Variants in KCNN2 observed in about 807,000 individuals in gnomAD.
The protein encoded by KCNN2 is small conductance calcium-activated potassium channel protein 2.
Under a neutral mutation model 55.5 loss-of-function variants are expected in KCNN2, and 24 were observed. The observed-to-expected ratio is 0.43, with a 90% CI of 0.31 to 0.61. KCNN2 has a LOEUF of 0.61. KCNN2 is among the 20% of genes least tolerant of loss of function. The probability of loss-of-function intolerance (pLI) is 0.08; values close to 1 mark genes in which losing one functional copy is unlikely to be tolerated. For synonymous variants in KCNN2, 431 were observed against 336.1 expected (o/e 1.28, Z -3.09); for missense variants, 754 against 853.6 (o/e 0.88, Z 1.45).
chr5:114,165,930 A>T (rs551852173), intron 1 of KCNN2, among the ~76,000 whole-genome samples: 1 of 152,264 alleles, frequency 6.6e-6, no homozygotes, highest in East Asian at 1.9e-4. Flanking sequence ...AACTGTACTC[A>T]TTCTTATTTT....
chr5:114,486,874 C>T (rs930151611), intron 5 of KCNN2, 176 bp from the exon 6 acceptor site: 41 of 1,132,914 alleles, frequency 3.6e-5, no homozygotes, highest in Non-Finnish European at 4.9e-5. Flanking sequence ...TGTTCCCAGG[C>T]AGGTACAAGT....
intron 3 of KCNN2, among the ~76,000 whole-genome samples, chr5:114,449,196 A>G (rs1218983192): frequency 6.6e-6 from 1 of 152,000 alleles, no homozygotes; most frequent in Non-Finnish European, 1.5e-5. Flanking sequence ...TGCCTTTCCA[A>G]GGGACCTCTG....
At chr5:114,324,154 A>G (rs981729001) in intron 2 of KCNN2, among the ~76,000 whole-genome samples, 18 of 152,346 alleles carry the variant, frequency 1.2e-4, no homozygotes, top group Middle Eastern at 3.4e-3. Flanking sequence ...AATAACTTTT[A>G]TTAGGATGTA....
At chr5:114,276,301 T>C (rs1354118956) in intron 2 of KCNN2, among the ~76,000 whole-genome samples, 2 of 152,176 alleles carry the variant, frequency 1.3e-5, no homozygotes, top group Non-Finnish European at 2.9e-5. Context: ...AGAATGTATA[T>C]TCTGTTGATT....
At chr5:114,464,619 C>G (rs996443813) in intron 4 of KCNN2, among the ~76,000 whole-genome samples, 1 of 152,014 alleles carries the variant, frequency 6.6e-6, no homozygotes, top group Non-Finnish European at 1.5e-5. Context: ...ACATCCTTCT[C>G]CCCCCTCGGT....
intron 1 of KCNN2, among the ~76,000 whole-genome samples, chr5:114,204,649 C>T (rs1260766955): frequency 6.6e-6 from 1 of 151,840 alleles, no homozygotes; most frequent in Non-Finnish European, 1.5e-5. Flanking sequence ...CCTTTCTTTA[C>T]ACAGCATACT....
At position 114,482,490 on chromosome 5, in the gene KCNN2, C is replaced by A. The variant is rs564448982; in HGVS notation, c.1891-4560C>A. On this transcript the variant is annotated intron_variant, in intron 5 of 7. Coordinates refer to ENST00000673685, the MANE Select transcript of KCNN2 (RefSeq NM_021614.4). The stretch of plus-strand genomic sequence containing the variant: ...AGGATGACAATTAAGGACCTAGATG[C>A]AGGAATACCATTTGACCCAGCAATC... Among the ~76,000 whole-genome samples the A allele has an allele frequency of 2.0e-5, 3 of 152,212 alleles. No homozygotes were observed. In the South Asian group the frequency reaches 6.2e-4, roughly 32 times the overall value.
intron 1 of KCNN2, among the ~76,000 whole-genome samples, chr5:114,093,050 C>T (rs982043684): frequency 2.0e-5 from 3 of 152,128 alleles, no homozygotes; most frequent in Non-Finnish European, 2.9e-5. Context: ...TTTTTCTTTT[C>T]TGTCACATTG....
intron 3 of KCNN2, among the ~76,000 whole-genome samples, chr5:114,454,799 CT>C (rs1666880554): frequency 6.6e-6 from 1 of 152,192 alleles, no homozygotes; most frequent in African/African-American, 2.4e-5. Flanking sequence ...ATCAGTTCCC[CT>C]GGTTTTAGCT....
chr5:114,479,031 C>G (rs1478895186), intron 5 of KCNN2, among the ~76,000 whole-genome samples: 1 of 151,094 alleles, frequency 6.6e-6, no homozygotes, highest in East Asian at 2.3e-4. Flanking sequence ...ATGACAGGAT[C>G]AAATTCACAC....
rs973506501 is a variant in KCNN2, at chr5:114,411,542, A to G, written c.1637+6686A>G. Among the ~76,000 whole-genome samples, 5 of 152,274 alleles carry G rather than the reference A, an allele frequency of 3.3e-5. No individual in the cohort carries two copies. In the East Asian group the frequency reaches 9.7e-4, roughly 30 times the overall value. ...TCAGTCCAAAGCTGAAGGCCTGTGA[A>G]TCCAAAGAGATGCAGGTGCAAGTCC... is the stretch of plus-strand genomic sequence containing the variant. On this transcript the variant is annotated intron_variant, in intron 3 of 7. Transcript: ENST00000673685.
At chr5:114,107,179 C>G (rs573425782) in intron 1 of KCNN2, among the ~76,000 whole-genome samples, 1 of 152,152 alleles carries the variant, frequency 6.6e-6, no homozygotes, top group East Asian at 1.9e-4. Flanking sequence ...GTAGTAGCAT[C>G]TTTGTTGTAA....
chr5:114,421,203 G>A (rs942687107), intron 3 of KCNN2, among the ~76,000 whole-genome samples: 6 of 146,320 alleles, frequency 4.1e-5, no homozygotes, highest in Non-Finnish European at 8.9e-5. Flanking sequence ...GGTTTTTAGT[G>A]AACCAACATA....
At chr5:114,382,784 A>G (rs1020053414) in intron 2 of KCNN2, among the ~76,000 whole-genome samples, 29 of 152,336 alleles carry the variant, frequency 1.9e-4, no homozygotes, top group African/African-American at 6.7e-4. Context: ...CTCCAGTCAT[A>G]TGCCCAACCC....
At chr5:114,120,097 G>A (rs1449428893) in intron 1 of KCNN2, among the ~76,000 whole-genome samples, 2 of 152,096 alleles carry the variant, frequency 1.3e-5, no homozygotes, top group Non-Finnish European at 2.9e-5. Flanking sequence ...TATCCAGGAA[G>A]CTCTTGATTT....
chr5:114,463,569 T>C (rs1761307408), intron 4 of KCNN2, among the ~76,000 whole-genome samples: 1 of 152,226 alleles, frequency 6.6e-6, no homozygotes, highest in Non-Finnish European at 1.5e-5. Context: ...TTGAAATGTG[T>C]TGAAGGGTAG....
chr5:114,091,589 A>C (rs1381277690), intron 1 of KCNN2, among the ~76,000 whole-genome samples: 1 of 152,130 alleles, frequency 6.6e-6, no homozygotes, highest in Non-Finnish European at 1.5e-5. Context: ...ATATTAGTCC[A>C]TTTTCATACT....
Position 114,113,802 on chromosome 5 carries a change from A to G in KCNN2, c.-271+57302A>G, listed in dbSNP as rs190953512. Among the ~76,000 whole-genome samples the G allele has an allele frequency of 9.2e-5, 14 of 152,190 alleles. No individual in the cohort carries two copies. The East Asian group carries it at 1.9e-3, about 21-fold the overall frequency. On this transcript the variant is annotated intron_variant, in intron 1 of 10. Coordinates refer to the KCNN2 transcript ENST00000512097. Reference sequence around the variant, plus strand: ...TTGGTGCCAACTTTCTGTCTTCTTCATGGCCAAAAACTTCCTCGCAGGAGG... The same window carrying G: ...TTGGTGCCAACTTTCTGTCTTCTTCGTGGCCAAAAACTTCCTCGCAGGAGG...
At chr5:114,088,675 A>G (rs1751069811) in intron 1 of KCNN2, among the ~76,000 whole-genome samples, 1 of 152,162 alleles carries the variant, frequency 6.6e-6, no homozygotes, top group Non-Finnish European at 1.5e-5. Context: ...GCTGGAGTGC[A>G]GTGGTATAGT....
Sources: gnomAD v4.1 joint callset for allele counts (sites outside exome capture counted in the v4.1 genomes callset) on GRCh38, gnomAD v4.1.1 for gene constraint, MANE v1.5 for transcripts, NCBI Gene and HGNC (gene_info 2026-07-23, HGNC 2026-07-21) for gene names.